Variants in OTOGL observed in about 807,000 individuals in gnomAD.
The protein encoded by OTOGL is otogelin-like protein.
A neutral mutation model predicts 318.5 loss-of-function variants in OTOGL; 285 were observed. That is an observed-to-expected ratio of 0.89 (90% confidence interval 0.81 to 0.99). The LOEUF is 0.99. OTOGL is among the 50% of genes least tolerant of loss of function. OTOGL has a pLI of 0.00. For synonymous variants in OTOGL, 987 were observed against 936.5 expected (o/e 1.05, Z -0.99); for missense variants, 2,899 against 2,845.6 (o/e 1.02, Z -0.43).
chr12:80,377,903 A>G lies in OTOGL; in HGVS notation c.6917A>G (p.Asn2306Ser), dbSNP rs1592464237. Residue 2306 changes from asparagine (N) to serine (S), a missense_variant, in exon 59 of 59, where the codon AAT (asparagine) becomes AGT (serine). Physicochemically the swap from Asn to Ser is conservative, Grantham distance 46. Transcript: ENST00000547103. ...KCPSATIYNINIESHLRFCKC... is the reference protein window; with the variant it reads ...KCPSATIYNISIESHLRFCKC... ...CCATCAGCTACCATATATAACATCAATATTGAAAGTCACCTAAGATTCTGC... is the reference window on the plus strand; with the variant it reads ...CCATCAGCTACCATATATAACATCAGTATTGAAAGTCACCTAAGATTCTGC... 6.2e-7 allele frequency: 1 copy of G among 1,611,712 alleles called. No individual in the cohort carries two copies. Among genetic ancestry groups the G allele is most frequent in the South Asian group, 1.1e-5 (1 of 90,746 alleles).
intron 1 of OTOGL, among the ~76,000 whole-genome samples, chr12:80,168,738 A>G (rs1028314749): frequency 2.0e-5 from 3 of 152,188 alleles, no homozygotes; most frequent in African/African-American, 4.8e-5. Flanking sequence ...ATGAACCTCA[A>G]TGCCAAGTGT....
At chr12:80,357,207 T>C (rs1333979817) in intron 49 of OTOGL, among the ~76,000 whole-genome samples, 1 of 152,196 alleles carries the variant, frequency 6.6e-6, no homozygotes, top group Non-Finnish European at 1.5e-5. Flanking sequence ...AATTTAGCAC[T>C]GGCTTTCCTT....
At chr12:80,338,492 C>G (rs565725965) in intron 42 of OTOGL, among the ~76,000 whole-genome samples, 1 of 152,122 alleles carries the variant, frequency 6.6e-6, no homozygotes, top group South Asian at 2.1e-4. Flanking sequence ...CACCGTTTTT[C>G]AAAGTACAAT....
Position 80,336,895 on chromosome 12 carries a change from A to T in OTOGL, c.4768-17A>T, listed in dbSNP as rs755582302. The stretch of plus-strand genomic sequence containing the variant: ...TTGTGTTTAACTCCGTAAAGTTTTA[A>T]TTTTTTTCAAATTAAGGCTCCCTCT... On this transcript the variant is annotated splice_polypyrimidine_tract_variant and intron_variant, in intron 41 of 58. Coordinates refer to ENST00000547103, the MANE Select transcript of OTOGL (RefSeq NM_001378609.3). The T allele has an allele frequency of 7.7e-6, 12 of 1,558,428 alleles. No individual in the cohort carries two copies. Among genetic ancestry groups the T allele is most frequent in the African/African-American group, 5.5e-5 (4 of 73,226 alleles).
chr12:80,210,405 A>C (rs1877158944), intron 2 of OTOGL, among the ~76,000 whole-genome samples: 1 of 152,136 alleles, frequency 6.6e-6, no homozygotes, highest in Non-Finnish European at 1.5e-5. Context: ...CAGAGGTCAA[A>C]GGTGCTATTT....
intron 1 of OTOGL, among the ~76,000 whole-genome samples, chr12:80,187,882 T>A (rs1565892826): frequency 6.6e-6 from 1 of 152,150 alleles, no homozygotes. Flanking sequence ...ACCAGAGTTG[T>A]TTTCTACTAT....
At chr12:80,283,969 C>A (rs1884425372) in intron 26 of OTOGL, among the ~76,000 whole-genome samples, 1 of 151,952 alleles carries the variant, frequency 6.6e-6, no homozygotes, top group Non-Finnish European at 1.5e-5. Context: ...ATCAACCTGT[C>A]ATCTAGGTTT....
rs1435241746 is a variant in OTOGL at position 80,136,297 on chromosome 12, G to A, written c.-20+36692G>A. ...TGATCTACCCAGTGGTAAATTCAAT[G>A]TTTCAATTCTTAGTCCTCATTTTAC... On this transcript the variant is annotated intron_variant, in intron 1 of 58. Coordinates refer to ENST00000547103, the MANE Select transcript of OTOGL (RefSeq NM_001378609.3). 3.9e-5 allele frequency among the ~76,000 whole-genome samples: 6 copies of A among 152,236 alleles called. 1 individual carries two copies. In the East Asian group the frequency reaches 7.7e-4, roughly 20 times the overall value.
At chr12:80,243,245 C>T (rs1379177743) in intron 11 of OTOGL, among the ~76,000 whole-genome samples, 1 of 151,954 alleles carries the variant, frequency 6.6e-6, no homozygotes, top group Non-Finnish European at 1.5e-5. Context: ...CATCAGAAAC[C>T]ATGGAGACCA....
intron 29 of OTOGL, among the ~76,000 whole-genome samples, chr12:80,307,432 G>C (rs1183885544): frequency 6.7e-6 from 1 of 149,296 alleles, no homozygotes; most frequent in Non-Finnish European, 1.5e-5. Context: ...TGGCCAGACG[G>C]GGGGCTGACC....
chr12:80,108,803 A>ATATATATATATATG lies in OTOGL; in HGVS notation c.-20+9207_-20+9208insATATGTATATATAT, dbSNP rs1565863161. Among the ~76,000 whole-genome samples the ATATATATATATATG allele has an allele frequency of 1.3e-4, 5 of 37,040 alleles. No homozygotes were observed. In the East Asian group the frequency reaches 2.4e-3, roughly 17 times the overall value. 24.3% of individuals were successfully genotyped at this position (37,040 alleles called of 152,430 possible). On this transcript the variant is annotated intron_variant, in intron 1 of 58. Coordinates refer to ENST00000547103, the MANE Select transcript of OTOGL (RefSeq NM_001378609.3). ...TATATATATGTATATATATATATGT[A>ATATATATATATATG]TATATATATGTGTATATATATGTAT...
At chr12:80,324,654 G>A (rs1010719392) in intron 35 of OTOGL, among the ~76,000 whole-genome samples, 1 of 152,252 alleles carries the variant, frequency 6.6e-6, no homozygotes. Flanking sequence ...AGACTTGATC[G>A]GTGATACAGA....
rs1358040936 is a variant in OTOGL, at chr12:80,279,168, T to C, written c.2928+2T>C. The C allele has an allele frequency of 6.3e-7, 1 of 1,585,806 alleles. No individual in the cohort carries two copies. On this transcript the variant is annotated splice_donor_variant, in intron 26 of 58. Transcript: ENST00000547103. LOFTEE classifies it high-confidence loss of function. Reference sequence around the variant, plus strand: ...GATTGCCAGGTGTTTTTGATAAAGGTAGGTCACAGTTACACATTTTTATTT... The same window carrying C: ...GATTGCCAGGTGTTTTTGATAAAGGCAGGTCACAGTTACACATTTTTATTT...
chr12:80,102,922 C>T (rs953484411), intron 1 of OTOGL: 2 of 823,574 alleles, frequency 2.4e-6, no homozygotes, highest in East Asian at 2.4e-5. Flanking sequence ...TCAATTGTTT[C>T]TTCCTTGTAT....
At chr12:80,259,397 G>C (rs1205818144) in intron 18 of OTOGL, among the ~76,000 whole-genome samples, 3 of 151,600 alleles carry the variant, frequency 2.0e-5, no homozygotes, top group Non-Finnish European at 4.4e-5. Context: ...TAAGTTCTAG[G>C]ATACATATGC....
chr12:80,117,560 G>T (rs772342642), intron 1 of OTOGL, among the ~76,000 whole-genome samples: 1 of 152,038 alleles, frequency 6.6e-6, no homozygotes, highest in African/African-American at 2.4e-5. Context: ...GATGTTTTCC[G>T]TACCTCCTGC....
intron 1 of OTOGL, among the ~76,000 whole-genome samples, chr12:80,144,143 T>C (rs1872157928): frequency 6.6e-6 from 1 of 152,016 alleles, no homozygotes. Context: ...GCCACGCTGG[T>C]GCGCTGCACC....
At chr12:80,213,497 C>A (rs2137318880) in intron 4 of OTOGL, among the ~76,000 whole-genome samples, 1 of 152,314 alleles carries the variant, frequency 6.6e-6, no homozygotes, top group East Asian at 1.9e-4. Flanking sequence ...ATCTCAGACT[C>A]ATTTTACCCA....
At position 80,179,959 on chromosome 12, in the gene OTOGL, A is replaced by G. The variant is rs76923401; in HGVS notation, c.-19-29454A>G. Among the ~76,000 whole-genome samples the G allele has an allele frequency of 7.0e-3, 1,065 of 152,360 alleles. 12 individuals are homozygous for G. Among genetic ancestry groups the G allele is most frequent in the East Asian group, 0.03 (158 of 5,188 alleles). On this transcript the variant is annotated intron_variant, in intron 1 of 58. Transcript: ENST00000547103. Reference sequence around the variant, plus strand: ...TCCTCCAGAACTATGGAGTTTGACAAAGATCGAAGACAAAAGAAGCCACTG... The same window carrying G: ...TCCTCCAGAACTATGGAGTTTGACAGAGATCGAAGACAAAAGAAGCCACTG...
Sources: gnomAD v4.1 joint callset for allele counts (sites outside exome capture counted in the v4.1 genomes callset) on GRCh38, gnomAD v4.1.1 for gene constraint, MANE v1.5 for transcripts, NCBI Gene and HGNC (gene_info 2026-07-23, HGNC 2026-07-21) for gene names.